HEPHL1: variants seen among roughly 807,000 people sequenced by gnomAD.
HEPHL1 encodes hephaestin like 1.
In HEPHL1, 123 loss-of-function variants were observed where a neutral mutation model predicts 122.0. The ratio of observed to expected loss-of-function variants is 1.01; its 90% CI spans 0.87 to 1.17. HEPHL1 has a LOEUF of 1.17. Ranked by LOEUF, HEPHL1 falls within the 50% of genes most tolerant of loss-of-function variation. The pLI, the probability that HEPHL1 is intolerant of heterozygous loss-of-function variation, is 0.00. For synonymous variants in HEPHL1, 527 were observed against 508.9 expected, an observed-to-expected ratio of 1.04 and a Z score of -0.48; for missense variants, 1,452 against 1,430.5, an observed-to-expected ratio of 1.01 and a Z score of -0.24.
intron 11 of HEPHL1, among the ~76,000 whole-genome samples, chr11:94,087,704 G>C (rs1356819444): frequency 6.6e-6 from 1 of 152,062 alleles, no homozygotes; most frequent in African/African-American, 2.4e-5. Context: ...AAATGTAGGG[G>C]ACAGTCTTTC....
In HEPHL1 at chr11:94,039,667, A is replaced by T. The variant is rs1006254334; in HGVS notation, c.171-6006A>T. 3.3e-3 allele frequency among the ~76,000 whole-genome samples: 504 copies of T among 151,716 alleles called. 3 individuals are homozygous for T. The highest frequency in any genetic ancestry group is 0.012 in the African/African-American group (483 of 41,258). ...AGGCAGAAATAAAGATGTTCTTTGAAACCAACGAGAACAAAGACACAACAT... is the reference window on the plus strand; with the variant it reads ...AGGCAGAAATAAAGATGTTCTTTGATACCAACGAGAACAAAGACACAACAT... On this transcript the variant is annotated intron_variant, in intron 1 of 19. Transcript: ENST00000315765.
At chr11:94,063,029 C>A (rs896513684) in intron 2 of HEPHL1, among the ~76,000 whole-genome samples, 2 of 152,154 alleles carry the variant, frequency 1.3e-5, no homozygotes, top group Non-Finnish European at 2.9e-5. Flanking sequence ...ACTATATGAT[C>A]CCCAGAGGCA....
chr11:94,029,290 GCAGGAGGCTC>G (rs1945653117), intron 1 of HEPHL1, among the ~76,000 whole-genome samples: 1 of 152,328 alleles, frequency 6.6e-6, no homozygotes, highest in South Asian at 2.1e-4. Flanking sequence ...CACTGTCTGA[GCAGGAGGCTC>G]CTCCTGCAGC....
intron 1 of HEPHL1, among the ~76,000 whole-genome samples, chr11:94,044,389 C>G (rs1262000218): frequency 2.0e-5 from 3 of 152,190 alleles, no homozygotes; most frequent in African/African-American, 7.2e-5. Context: ...TTCCTCAACT[C>G]CTTTAAAACT....
chr11:94,023,949 A>G (rs1945603349), intron 1 of HEPHL1, among the ~76,000 whole-genome samples: 1 of 152,224 alleles, frequency 6.6e-6, no homozygotes, highest in Admixed American at 6.5e-5. Flanking sequence ...ACCACAAGAT[A>G]TCCATCCTGG....
At chr11:94,035,080 A>C (rs1945709474) in intron 1 of HEPHL1, among the ~76,000 whole-genome samples, 1 of 152,186 alleles carries the variant, frequency 6.6e-6, no homozygotes, top group Admixed American at 6.5e-5. Context: ...ATTTCTCCAC[A>C]GTTTCACTCT....
At chr11:94,110,779 C>A in intron 17 of HEPHL1, 124 bp from the exon 18 acceptor site, 1 of 658,320 alleles carries the variant, frequency 1.5e-6, no homozygotes, top group Non-Finnish European at 2.5e-6. Context: ...TTCTTGATTC[C>A]TGCTCTTTCT....
At chr11:94,033,331 A>G (rs1163094053) in intron 1 of HEPHL1, among the ~76,000 whole-genome samples, 1 of 152,134 alleles carries the variant, frequency 6.6e-6, no homozygotes, top group Non-Finnish European at 1.5e-5. Flanking sequence ...TGAATTTCTG[A>G]GAGCAGCTGG....
At chr11:94,055,759 C>A in intron 2 of HEPHL1, 1 of 391,062 alleles carries the variant, frequency 2.6e-6, no homozygotes. Context: ...GTTATGTGAT[C>A]AAGAGTAGCA....
At chr11:94,076,191 T>C (rs375863839) in intron 9 of HEPHL1, among the ~76,000 whole-genome samples, 12 of 152,258 alleles carry the variant, frequency 7.9e-5, no homozygotes, top group African/African-American at 2.9e-4. Flanking sequence ...GAAGGAACAA[T>C]CCCGGAAATG....
At chr11:94,031,242 T>C (rs1388792953) in intron 1 of HEPHL1, among the ~76,000 whole-genome samples, 2 of 152,064 alleles carry the variant, frequency 1.3e-5, no homozygotes, top group African/African-American at 4.8e-5. Flanking sequence ...CTCCCACCTG[T>C]GGCTTCAGTC....
intron 2 of HEPHL1, among the ~76,000 whole-genome samples, chr11:94,058,603 T>A (rs1256342682): frequency 1.3e-5 from 2 of 152,222 alleles, no homozygotes; most frequent in Non-Finnish European, 2.9e-5. Flanking sequence ...GAGCCAGACC[T>A]CTTATATACA....
At chr11:94,027,749 A>G (rs12284299) in intron 1 of HEPHL1, among the ~76,000 whole-genome samples, 2,480 of 152,294 alleles carry the variant, frequency 0.016, 66 homozygotes, top group African/African-American at 0.058. Context: ...TGTTTTGAAC[A>G]CACCTTGTAT....
At chr11:94,089,536 G>A (rs375162327) in intron 12 of HEPHL1, among the ~76,000 whole-genome samples, 13 of 152,314 alleles carry the variant, frequency 8.5e-5, no homozygotes, top group African/African-American at 3.1e-4. Context: ...AGTGCTGTTG[G>A]CCAGTGATGC....
In HEPHL1 at chr11:94,111,057, G is replaced by A. The variant is rs200091723; in HGVS notation, c.3200G>A (p.Arg1067His). 3.3e-5 allele frequency: 53 copies of A among 1,586,312 alleles called. No individual in the cohort carries two copies. The highest frequency in any genetic ancestry group is 1.7e-4 in the Middle Eastern group (1 of 6,028). The change falls in exon 18 of 20, where the codon CGT becomes CAT. Residue 1067 changes from arginine (R) to histidine (H), a missense_variant. Coordinates refer to ENST00000315765, the MANE Select transcript of HEPHL1 (RefSeq NM_001098672.2). Reference sequence around the variant, plus strand: ...ATGGAGACAACCTACACGGTCCTTCGTAACATAGGTACGGTTGTCTGTCAG... The same window carrying A: ...ATGGAGACAACCTACACGGTCCTTCATAACATAGGTACGGTTGTCTGTCAG... Reference protein sequence around the residue: ...AGMETTYTVLRNIDNRIPYST... With the variant: ...AGMETTYTVLHNIDNRIPYST...
rs185616418 is a variant in HEPHL1 at position 94,109,107 on chromosome 11, T to C, written c.3046-1796T>C. Among the ~76,000 whole-genome samples, 114 of 152,290 alleles carry C rather than the reference T, an allele frequency of 7.5e-4. 2 individuals carry two copies. The highest frequency in any genetic ancestry group is 2.6e-3 in the African/African-American group (109 of 41,586). ...TTTTATTTATTTATAACTAAGTATA[T>C]AAAAGGCTTTGGTAATAGTGTAAAT... On this transcript the variant is annotated intron_variant, in intron 17 of 19. Transcript: ENST00000315765.
chr11:94,051,674 T>G (rs1480896701), intron 2 of HEPHL1, among the ~76,000 whole-genome samples: 1 of 152,156 alleles, frequency 6.6e-6, no homozygotes, highest in Non-Finnish European at 1.5e-5. Context: ...TGTGCCTTGG[T>G]TGCCTGGCTT....
chr11:94,042,875 T>TAAAAA (rs58966846), intron 1 of HEPHL1, among the ~76,000 whole-genome samples: 2 of 63,188 alleles, frequency 3.2e-5, no homozygotes, highest in African/African-American at 6.7e-5. Flanking sequence ...TAAAGTATAA[T>TAAAAA]AAAAAAAAAA....
intron 8 of HEPHL1, among the ~76,000 whole-genome samples, chr11:94,074,289 G>T (rs1267822095): frequency 2.0e-5 from 3 of 152,012 alleles, no homozygotes; most frequent in South Asian, 2.1e-4. Context: ...TACCAAAATG[G>T]CTGCGTGCAG....
Sources: allele counts gnomAD v4.1 joint callset (sites outside exome capture counted in the v4.1 genomes callset), GRCh38; gene constraint gnomAD v4.1.1; transcripts MANE v1.5; gene names NCBI Gene and HGNC (gene_info 2026-07-23, HGNC 2026-07-21).